Variants in EPC1 observed in about 807,000 individuals in gnomAD.
EPC1 encodes enhancer of polycomb homolog 1.
A neutral mutation model predicts 98.4 loss-of-function variants in EPC1; 12 were observed. That is an observed-to-expected ratio of 0.12 (90% CI 0.08 to 0.20). The LOEUF (loss-of-function observed/expected upper bound fraction) is 0.20. Among genes scored for constraint, EPC1 ranks in the 10% least tolerant of loss-of-function variants. The probability of loss-of-function intolerance (pLI) is 1.00; values close to 1 mark genes in which losing one functional copy is unlikely to be tolerated. For synonymous variants in EPC1, 357 were observed against 363.9 expected (o/e 0.98, Z 0.21); for missense variants, 729 against 990.5 (o/e 0.74, Z 3.54).
intron 1 of EPC1, chr10:32,345,461 T>G (rs555246290): frequency 1.0e-6 from 1 of 985,280 alleles, no homozygotes; most frequent in African/African-American, 1.7e-5. Flanking sequence ...AGAGAAGTAT[T>G]ACAGTACAAT....
chr10:32,343,657 G>C (rs1238733423), intron 1 of EPC1, among the ~76,000 whole-genome samples: 1 of 143,790 alleles, frequency 7.0e-6, no homozygotes, highest in African/African-American at 2.5e-5. Context: ...TAAAAAAATA[G>C]ATAAGTTCAG....
intron 6 of EPC1, among the ~76,000 whole-genome samples, 164 bp from the exon 7 acceptor site, chr10:32,287,438 G>C (rs940739683): frequency 3.3e-5 from 5 of 152,144 alleles, no homozygotes; most frequent in Non-Finnish European, 7.4e-5. Flanking sequence ...AAAGTCTAGA[G>C]AAGTTGGCCT....
intron 1 of EPC1, among the ~76,000 whole-genome samples, chr10:32,363,959 A>AAAAAGTCT (rs1452581670): frequency 7.3e-5 from 11 of 151,418 alleles, no homozygotes; most frequent in Non-Finnish European, 1.6e-4. Context: ...ATGTACAGAG[A>AAAAAGTCT]AAAAGTCTAA....
chr10:32,307,222 T>C (rs1835927277), intron 1 of EPC1, among the ~76,000 whole-genome samples: 1 of 152,188 alleles, frequency 6.6e-6, no homozygotes, highest in Admixed American at 6.5e-5. Flanking sequence ...GAAAAAACTC[T>C]GGCAACAACC....
At chr10:32,321,040 G>C (rs1281010408) in intron 1 of EPC1, among the ~76,000 whole-genome samples, 1 of 152,086 alleles carries the variant, frequency 6.6e-6, no homozygotes, top group Non-Finnish European at 1.5e-5. Flanking sequence ...GTCTTTTTCA[G>C]TTAGTTTATT....
At chr10:32,340,044 T>C (rs1838240443) in intron 1 of EPC1, among the ~76,000 whole-genome samples, 1 of 152,234 alleles carries the variant, frequency 6.6e-6, no homozygotes, top group East Asian at 1.9e-4. Flanking sequence ...TGTTTGCCCC[T>C]AGATTCACTC....
intron 1 of EPC1, among the ~76,000 whole-genome samples, chr10:32,375,409 C>G (rs1486135671): frequency 6.6e-6 from 1 of 152,066 alleles, no homozygotes; most frequent in African/African-American, 2.4e-5. Context: ...TAACCTGAAA[C>G]TTCCTCAGTC....
intron 10 of EPC1, among the ~76,000 whole-genome samples, chr10:32,279,734 A>C (rs746597646): frequency 6.6e-6 from 1 of 152,192 alleles, no homozygotes; most frequent in Non-Finnish European, 1.5e-5. Flanking sequence ...GGACTCTTAC[A>C]TAAGAGTCCT....
Position 32,364,001 on chromosome 10 carries a change from C to CTT in EPC1, c.3+14489_3+14490insAA, listed in dbSNP as rs770520611. Among the ~76,000 whole-genome samples the CTT allele has an allele frequency of 1.5e-4, 9 of 61,824 alleles. 1 individual carries two copies. In the East Asian group the frequency reaches 2.2e-3, roughly 15 times the overall value. 40.6% of individuals were successfully genotyped at this position (61,824 alleles called of 152,430 possible). ...AATAGTATCGTGTCCATCATGTTGG[C>CTT]ATTTTTTTTTTTTTTTTTTTTTTTT... On this transcript the variant is annotated intron_variant, in intron 1 of 13. Transcript: ENST00000375110.
In EPC1 at chr10:32,271,864, T is replaced by C; in HGVS notation, c.2059A>G (p.Thr687Ala). 1 of 1,614,110 alleles carries C rather than the reference T, an allele frequency of 6.2e-7. No homozygotes were observed. Among genetic ancestry groups the C allele is most frequent in the Non-Finnish European group, 8.5e-7 (1 of 1,180,010 alleles). The change falls in exon 13 of 14, where the codon ACA becomes GCA. Residue 687 changes from threonine to alanine, a missense_variant. This residue lies in a region of EPC1 where 156 missense variants were observed against 188.9 expected (regional missense o/e 0.83). Transcript: ENST00000319778. ...GCTGAACCTGCCGTTGATGGACTTG[T>C]ATGTACAAGTGCTGTTGGTGTAGTA... ...SSTTPTALVH[T>A]SPSTAGSALL...
At chr10:32,291,358 TA>T (rs763013940) in intron 5 of EPC1, 36 bp from the exon 6 acceptor site, 1 of 1,484,684 alleles carries the variant, frequency 6.7e-7, no homozygotes, top group East Asian at 2.4e-5. Context: ...AAATTATATA[TA>T]TTTAAGGAAT....
chr10:32,319,330 G>T (rs148622959), intron 1 of EPC1, among the ~76,000 whole-genome samples: 1 of 152,276 alleles, frequency 6.6e-6, no homozygotes, highest in East Asian at 1.9e-4. Context: ...CACACATACT[G>T]GAAGTGGCAG....
chr10:32,342,335 G>A (rs1365562636), intron 1 of EPC1, among the ~76,000 whole-genome samples: 2 of 152,114 alleles, frequency 1.3e-5, no homozygotes, highest in Non-Finnish European at 2.9e-5. Context: ...TTCTTTCAAA[G>A]TGATTTAAAT....
chr10:32,271,740 A>G lies in EPC1; in HGVS notation c.2183T>C (p.Ile728Thr), dbSNP rs751003082. The G allele has an allele frequency of 4.3e-6, 7 of 1,614,104 alleles. No homozygotes were observed. The East Asian group carries it at 6.7e-5, about 15-fold the overall frequency. The change falls in exon 13 of 14, where the codon ATT becomes ACT. Residue 728 changes from isoleucine (I) to threonine (T), a missense_variant. By Grantham distance (89) the Ile-to-Thr change is moderately conservative. This residue lies in a region of EPC1 where 156 missense variants were observed against 188.9 expected (regional missense o/e 0.83). Coordinates refer to ENST00000319778, the MANE Select transcript of EPC1 (RefSeq NM_001272004.3). The part of the protein sequence containing the change: ...AANSATTQVL[I>T]GNNIRLTVPS... ...TACAGTTAATCGAATGTTGTTCCCA[A>G]TCAGAACCTGAGTTGTTGCAGAATT...
intron 1 of EPC1, among the ~76,000 whole-genome samples, chr10:32,376,761 G>A (rs1839879372): frequency 1.3e-5 from 2 of 152,030 alleles, no homozygotes; most frequent in South Asian, 4.1e-4. Flanking sequence ...GGGTAAACAC[G>A]CTAAATAATA....
At chr10:32,309,642 G>T (rs1836088904) in intron 1 of EPC1, among the ~76,000 whole-genome samples, 1 of 150,156 alleles carries the variant, frequency 6.7e-6, no homozygotes, top group Non-Finnish European at 1.5e-5. Flanking sequence ...GATCACTTGA[G>T]CCCAGGAGTT....
intron 1 of EPC1, among the ~76,000 whole-genome samples, chr10:32,320,282 T>C (rs1383335777): frequency 2.0e-5 from 3 of 152,150 alleles, no homozygotes; most frequent in African/African-American, 7.2e-5. Flanking sequence ...CTTCCAGAAC[T>C]GTTACCAAGT....
intron 1 of EPC1, among the ~76,000 whole-genome samples, chr10:32,373,574 G>A (rs1036684237): frequency 6.6e-6 from 1 of 152,076 alleles, no homozygotes; most frequent in Non-Finnish European, 1.5e-5. Context: ...GTATAAGCAC[G>A]TCCTACAAAC....
At chr10:32,313,811 G>T (rs1207751257) in intron 1 of EPC1, among the ~76,000 whole-genome samples, 1 of 152,050 alleles carries the variant, frequency 6.6e-6, no homozygotes, top group Non-Finnish European at 1.5e-5. Context: ...GCTTGAACCT[G>T]GGAGGCGGAG....
Sources: gnomAD v4.1 joint callset for allele counts (sites outside exome capture counted in the v4.1 genomes callset) on GRCh38, gnomAD v4.1.1 for gene constraint, gnomAD v4.1.1 regional missense constraint, MANE v1.5 for transcripts, NCBI Gene and HGNC (gene_info 2026-07-23, HGNC 2026-07-21) for gene names.